Variants in PDK1 observed in about 807,000 individuals in gnomAD.
PDK1 encodes the protein pyruvate dehydrogenase kinase 1.
In PDK1, 39 loss-of-function variants were observed where a neutral mutation model predicts 54.2. That is an observed-to-expected ratio of 0.72 (90% CI 0.56 to 0.94). The LOEUF is 0.94. PDK1 is among the 40% of genes least tolerant of loss of function. The pLI, the probability that PDK1 is intolerant of heterozygous loss-of-function variation, is 0.00. For synonymous variants in PDK1, 221 were observed against 207.1 expected (o/e 1.07, Z -0.58); for missense variants, 552 against 566.0 (o/e 0.98, Z 0.25).
chr2:172,701,099 A>G, the PDK1 span, among the ~76,000 whole-genome samples: 1 of 152,194 alleles, frequency 6.6e-6, no homozygotes, highest in South Asian at 2.1e-4. Context: ...TATTTGTACA[A>G]AGTAATAGAT....
At chr2:172,575,259 A>T (rs978669602) in intron 8 of PDK1, among the ~76,000 whole-genome samples, 1 of 152,140 alleles carries the variant, frequency 6.6e-6, no homozygotes, top group Non-Finnish European at 1.5e-5. Flanking sequence ...GTTGATGTTC[A>T]TAAGGTATGT....
intron 8 of PDK1, among the ~76,000 whole-genome samples, chr2:172,578,773 G>A (rs1689719450): frequency 6.8e-6 from 1 of 148,070 alleles, no homozygotes; most frequent in Admixed American, 6.8e-5. Flanking sequence ...TTTTAAGTTT[G>A]AATTCTTTGT....
In PDK1 at chr2:172,595,894, C is replaced by T. The variant is rs184997935; in HGVS notation, c.1236C>T (p.Asn412=). The change falls in exon 11 of 11, where the codon AAC becomes AAT. Residue 412 remains asparagine (N), a synonymous_variant. Transcript: ENST00000282077. ...ACAAAGCTGCCTGGAAGCATTACAA[C>T]ACCAACCACGAGGCTGATGACTGGT... ...VYNKAAWKHY[N]TNHEADDWCV... is the part of the protein sequence containing the mutation. 27 of 1,613,808 alleles carry T rather than the reference C, an allele frequency of 1.7e-5. 1 individual carries two copies. In the East Asian group the frequency reaches 3.1e-4, roughly 19 times the overall value.
At chr2:172,641,692 C>A in the PDK1 span, among the ~76,000 whole-genome samples, 1 of 152,128 alleles carries the variant, frequency 6.6e-6, no homozygotes, top group South Asian at 2.1e-4. Flanking sequence ...GATCTGCCTG[C>A]CTCGGCCTTC....
At chr2:172,713,100 G>C in the PDK1 span, among the ~76,000 whole-genome samples, 10 of 152,162 alleles carry the variant, frequency 6.6e-5, no homozygotes, top group Non-Finnish European at 1.2e-4. Flanking sequence ...GGAGTACCTG[G>C]AGTGGGTAGC....
the PDK1 span, among the ~76,000 whole-genome samples, chr2:172,642,808 C>CCTCCTCCTT: frequency 1.4e-5 from 2 of 144,666 alleles, no homozygotes; most frequent in African/African-American, 2.5e-5. Flanking sequence ...TCCTCCTCCT[C>CCTCCTCCTT]CTTCTTCTTC....
chr2:172,706,588 G>T, the PDK1 span, among the ~76,000 whole-genome samples: 1 of 152,038 alleles, frequency 6.6e-6, no homozygotes, highest in Admixed American at 6.5e-5. Flanking sequence ...ACCATGCCTG[G>T]CTAATTGGTG....
intron 3 of PDK1, 83 bp from the exon 4 acceptor site, chr2:172,564,420 T>C: frequency 9.2e-7 from 1 of 1,081,146 alleles, no homozygotes; most frequent in Non-Finnish European, 1.4e-6. Context: ...ATTTTTTGTC[T>C]AGCATAGTTG....
the PDK1 span, chr2:172,677,700 A>G: frequency 6.6e-6 from 1 of 152,270 alleles, no homozygotes; most frequent in South Asian, 2.1e-4. Context: ...ATAATTAAAC[A>G]TCTTAAAAAG....
the PDK1 span, among the ~76,000 whole-genome samples, chr2:172,701,634 T>C: frequency 8.7e-6 from 1 of 114,754 alleles, no homozygotes; most frequent in Non-Finnish European, 1.7e-5. Flanking sequence ...TTATCCTGTT[T>C]TTTTTTTTGT....
the PDK1 span, among the ~76,000 whole-genome samples, chr2:172,696,121 A>T: frequency 6.6e-6 from 1 of 151,248 alleles, no homozygotes; most frequent in East Asian, 1.9e-4. Context: ...GCAGTGAGCC[A>T]AGATCTCACC....
chr2:172,668,159 C>T, the PDK1 span, among the ~76,000 whole-genome samples: 2 of 152,262 alleles, frequency 1.3e-5, no homozygotes, highest in African/African-American at 4.8e-5. Context: ...AAATATGAAT[C>T]ATAGCAAGCC....
intron 7 of PDK1, among the ~76,000 whole-genome samples, chr2:172,569,216 C>G (rs922850921): frequency 6.6e-6 from 1 of 152,166 alleles, no homozygotes; most frequent in Non-Finnish European, 1.5e-5. Context: ...ATAGAGTTAT[C>G]TTTATGTTTT....
At chr2:172,651,356 C>G in the PDK1 span, among the ~76,000 whole-genome samples, 881 of 152,228 alleles carry the variant, frequency 5.8e-3, 9 homozygotes, top group African/African-American at 0.02. Flanking sequence ...GCACTAAATG[C>G]CCACAAGGGA....
chr2:172,696,986 A>G, the PDK1 span, among the ~76,000 whole-genome samples: 163 of 152,236 alleles, frequency 1.1e-3, 4 homozygotes, highest in East Asian at 0.025. Flanking sequence ...TTCTATCCCA[A>G]TTAGTTTAAG....
At chr2:172,620,378 A>T in the PDK1 span, among the ~76,000 whole-genome samples, 1 of 152,206 alleles carries the variant, frequency 6.6e-6, no homozygotes, top group African/African-American at 2.4e-5. Context: ...ACATGGCCAC[A>T]GTAAAGTGAT....
At chr2:172,633,707 TAAA>T in the PDK1 span, among the ~76,000 whole-genome samples, 1 of 150,924 alleles carries the variant, frequency 6.6e-6, no homozygotes, top group South Asian at 2.1e-4. Context: ...AAAAATATAA[TAAA>T]GTTTTTATTT....
At chr2:172,722,588 G>C in the PDK1 span, among the ~76,000 whole-genome samples, 14 of 152,340 alleles carry the variant, frequency 9.2e-5, no homozygotes, top group African/African-American at 3.1e-4. Context: ...TTGTAGTGCT[G>C]TGTTGGGAAA....
chr2:172,611,868 G>T (rs571892695), downstream of PDK1, among the ~76,000 whole-genome samples: 2 of 152,238 alleles, frequency 1.3e-5, no homozygotes, highest in Non-Finnish European at 2.9e-5. Flanking sequence ...TGGTCCCCAC[G>T]TTGGGATCTG....
Sources: allele counts gnomAD v4.1 joint callset (sites outside exome capture counted in the v4.1 genomes callset), GRCh38; gene constraint gnomAD v4.1.1; transcripts MANE v1.5; gene names NCBI Gene and HGNC (gene_info 2026-07-23, HGNC 2026-07-21).